The following EYS variants were observed in gnomAD, a reference collection of about 807,000 sequenced individuals.
EYS encodes EGF-like photoreceptor maintenance factor, also known as protein eyes shut homolog.
Under a neutral mutation model 282.1 loss-of-function variants are expected in EYS, and 250 were observed. That is an observed-to-expected ratio of 0.89 (90% CI 0.80 to 0.98). The LOEUF (loss-of-function observed/expected upper bound fraction) is 0.98, where lower values mean the gene tolerates loss of function less well. Among genes scored for constraint, EYS ranks in the 50% least tolerant of loss-of-function variants. The pLI is 0.00. For synonymous variants in EYS, 1,355 were observed against 1,282.9 expected, an observed-to-expected ratio of 1.06 and a Z score of -1.20; for missense variants, 4,016 against 3,709.0, an observed-to-expected ratio of 1.08 and a Z score of -2.15.
chr6:65,584,788 T>C (rs977468234), intron 2 of EYS, among the ~76,000 whole-genome samples: 36 of 151,500 alleles, frequency 2.4e-4, no homozygotes, highest in African/African-American at 8.7e-4. Context: ...TTTAAATCAC[T>C]TCTAAAGCAT....
intron 29 of EYS, among the ~76,000 whole-genome samples, chr6:64,307,862 A>C (rs1027239589): frequency 6.6e-6 from 1 of 152,068 alleles, no homozygotes; most frequent in African/African-American, 2.4e-5. Context: ...AATATATACA[A>C]TAAAATTTAT....
chr6:64,089,386 A>G (rs1252807279), intron 31 of EYS, among the ~76,000 whole-genome samples: 2 of 149,944 alleles, frequency 1.3e-5, no homozygotes, highest in African/African-American at 4.9e-5. Context: ...ATGAAATTTT[A>G]AATACTATAT....
intron 19 of EYS, among the ~76,000 whole-genome samples, chr6:64,883,515 G>A (rs1470468421): frequency 6.6e-6 from 1 of 151,218 alleles, no homozygotes; most frequent in Non-Finnish European, 1.5e-5. Context: ...AAGTCCTTAA[G>A]CACAAGTTCA....
chr6:65,455,079 A>G (rs1764551288), intron 5 of EYS, among the ~76,000 whole-genome samples: 1 of 152,136 alleles, frequency 6.6e-6, no homozygotes, highest in Admixed American at 6.5e-5. Flanking sequence ...ATAAATGCAT[A>G]GGTTGCTTAG....
At chr6:64,756,402 G>A (rs1465644173) in intron 22 of EYS, among the ~76,000 whole-genome samples, 1 of 152,080 alleles carries the variant, frequency 6.6e-6, no homozygotes, top group African/African-American at 2.4e-5. Flanking sequence ...AGCATTAGAT[G>A]CACATAGAAT....
At chr6:64,586,749 C>T (rs1766245937) in intron 26 of EYS, among the ~76,000 whole-genome samples, 1 of 151,966 alleles carries the variant, frequency 6.6e-6, no homozygotes, top group Non-Finnish European at 1.5e-5. Context: ...ATTTTATCTG[C>T]AGTGTACATT....
chr6:64,287,497 T>C (rs911359133), intron 30 of EYS, among the ~76,000 whole-genome samples: 12 of 152,150 alleles, frequency 7.9e-5, no homozygotes, highest in Non-Finnish European at 1.6e-4. Context: ...AATCAATTCA[T>C]ATCTCAGTAG....
intron 33 of EYS, among the ~76,000 whole-genome samples, chr6:64,059,546 A>G (rs763133427): frequency 6.6e-6 from 1 of 152,194 alleles, no homozygotes; most frequent in Admixed American, 6.6e-5. Flanking sequence ...TTTTGAATCA[A>G]TAAACACCAA....
intron 30 of EYS, among the ~76,000 whole-genome samples, chr6:64,289,457 A>G (rs1768621196): frequency 6.6e-6 from 1 of 152,052 alleles, no homozygotes; most frequent in African/African-American, 2.4e-5. Flanking sequence ...ATTTCCCTCT[A>G]TGGCAGGAGT....
intron 22 of EYS, among the ~76,000 whole-genome samples, chr6:64,633,364 A>C (rs1767860579): frequency 6.6e-6 from 1 of 152,118 alleles, no homozygotes; most frequent in South Asian, 2.1e-4. Context: ...CTTTTTAGTA[A>C]AACATTGCTT....
chr6:64,097,690 C>A (rs573157064), intron 31 of EYS, among the ~76,000 whole-genome samples: 1 of 152,306 alleles, frequency 6.6e-6, no homozygotes, highest in East Asian at 1.9e-4. Flanking sequence ...TCCCTGACCC[C>A]TTGGGCTTCC....
chr6:65,490,927 T>G (rs1766019944), intron 4 of EYS, among the ~76,000 whole-genome samples: 1 of 152,126 alleles, frequency 6.6e-6, no homozygotes, highest in Admixed American at 6.6e-5. Flanking sequence ...TATCCAAATA[T>G]TTTTTCTGGC....
chr6:64,377,707 T>C (rs1487587157), intron 29 of EYS: 1 of 152,152 alleles, frequency 6.6e-6, no homozygotes, highest in Non-Finnish European at 1.5e-5. Context: ...TTTGATTTTT[T>C]TTTAATGAAC....
Position 63,721,238 on chromosome 6 carries a change from T to C in EYS, c.8793A>G (p.Gln2931=), listed in dbSNP as rs1215751447. Residue 2931 remains glutamine, a synonymous_variant, in exon 43 of 43, where the codon CAA becomes CAG. Coordinates refer to ENST00000503581, the MANE Select transcript of EYS (RefSeq NM_001142800.2). ...TACACAGGCAACTGTAAGAAAATGA[T>C]TGGTCAGGTATACATAAAGATTGGT... ...CLHQSLCIPD[Q]SFSYSCLCTL... is the part of the protein sequence containing the mutation. The C allele has an allele frequency of 3.2e-6, 5 of 1,551,720 alleles. No homozygotes were observed. Among genetic ancestry groups the C allele is most frequent in the Non-Finnish European group, 4.4e-6 (5 of 1,146,968 alleles).
chr6:65,229,087 T>A (rs1387380670), intron 12 of EYS, among the ~76,000 whole-genome samples: 1 of 151,876 alleles, frequency 6.6e-6, no homozygotes, highest in Non-Finnish European at 1.5e-5. Flanking sequence ...GCAAAGAAAC[T>A]GGTAGAAGAA....
intron 19 of EYS, among the ~76,000 whole-genome samples, chr6:64,873,088 C>T (rs769857447): frequency 1.3e-5 from 2 of 152,024 alleles, no homozygotes; most frequent in African/African-American, 2.4e-5. Flanking sequence ...AAAGACACAT[C>T]TGAGAATGAA....
At chr6:65,573,457 C>T (rs73449367) in intron 2 of EYS, among the ~76,000 whole-genome samples, 6,333 of 152,206 alleles carry the variant, frequency 0.042, 161 homozygotes, top group Admixed American at 0.049. Flanking sequence ...GAGAGGGAGA[C>T]GCCACTGTTT....
At chr6:64,649,930 A>C (rs1768497890) in intron 22 of EYS, among the ~76,000 whole-genome samples, 2 of 152,188 alleles carry the variant, frequency 1.3e-5, no homozygotes, top group Admixed American at 6.5e-5. Flanking sequence ...CTACTCACAG[A>C]AATTAACCAG....
chr6:65,046,415 A>G (rs1172980857), intron 13 of EYS, among the ~76,000 whole-genome samples: 1 of 151,872 alleles, frequency 6.6e-6, no homozygotes, highest in Non-Finnish European at 1.5e-5. Context: ...TAACTTTGCC[A>G]TATCTGTTTG....
Sources: gnomAD v4.1 joint callset for allele counts (sites outside exome capture counted in the v4.1 genomes callset) on GRCh38, gnomAD v4.1.1 for gene constraint, MANE v1.5 for transcripts, NCBI Gene and HGNC (gene_info 2026-07-23, HGNC 2026-07-21) for gene names.